CSMD1: variants seen among roughly 807,000 people sequenced by gnomAD.
The protein encoded by CSMD1 is CUB and Sushi multiple domains 1, also known as CUB and sushi domain-containing protein 1.
A neutral mutation model predicts 417.5 loss-of-function variants in CSMD1; 213 were observed. That is an observed-to-expected ratio of 0.51 (90% CI 0.46 to 0.57). The LOEUF is 0.57. Among genes scored for constraint, CSMD1 ranks in the 20% least tolerant of loss-of-function variants. CSMD1 has a pLI of 0.00. For synonymous variants in CSMD1, 2,862 were observed against 1,736.8 expected (o/e 1.65, Z -16.11); for missense variants, 6,923 against 4,529.7 (o/e 1.53, Z -15.17).
At chr8:3,220,819 A>G (rs375374570) in intron 28 of CSMD1, among the ~76,000 whole-genome samples, 36 of 152,182 alleles carry the variant, frequency 2.4e-4, no homozygotes, top group Non-Finnish European at 3.8e-4. Context: ...TGACAGACAG[A>G]GCAAAACTCA....
At chr8:3,234,062 G>T (rs1442407) in intron 26 of CSMD1, among the ~76,000 whole-genome samples, 23,360 of 152,028 alleles carry the variant, frequency 0.15, 1,996 homozygotes, top group East Asian at 0.24. Flanking sequence ...GGTCTCCTAT[G>T]ATATTTTCAA....
intron 6 of CSMD1, among the ~76,000 whole-genome samples, chr8:3,719,284 G>C (rs117179691): frequency 1.3e-5 from 2 of 152,048 alleles, no homozygotes; most frequent in East Asian, 1.9e-4. Context: ...TCAGCAAAAA[G>C]GCCACTGCCC....
chr8:4,976,091 C>G (rs1441909605), intron 1 of CSMD1, among the ~76,000 whole-genome samples: 1 of 152,062 alleles, frequency 6.6e-6, no homozygotes, highest in African/African-American at 2.4e-5. Context: ...ATGTTCTCAC[C>G]TATTACTGGG....
intron 2 of CSMD1, among the ~76,000 whole-genome samples, chr8:4,523,329 A>G (rs1205109654): frequency 6.6e-6 from 1 of 151,870 alleles, no homozygotes; most frequent in Non-Finnish European, 1.5e-5. Context: ...TACATAATAG[A>G]CTCAGCCTGG....
chr8:4,671,808 G>A (rs1805348590), intron 1 of CSMD1, among the ~76,000 whole-genome samples: 1 of 152,092 alleles, frequency 6.6e-6, no homozygotes, highest in Non-Finnish European at 1.5e-5. Flanking sequence ...TCAGCCTGAA[G>A]GAGCCAGCGA....
At chr8:3,240,707 G>A (rs536660297) in intron 26 of CSMD1, among the ~76,000 whole-genome samples, 3 of 152,080 alleles carry the variant, frequency 2.0e-5, no homozygotes, top group Non-Finnish European at 4.4e-5. Flanking sequence ...TTGAGATCTA[G>A]AACAGAATAA....
intron 25 of CSMD1, among the ~76,000 whole-genome samples, chr8:3,294,414 T>C (rs977852434): frequency 6.6e-6 from 1 of 152,218 alleles, no homozygotes; most frequent in Middle Eastern, 3.2e-3. Flanking sequence ...GTGCCCTGCC[T>C]GCAGAGGTGG....
chr8:3,920,210 T>G (rs1183479759), intron 5 of CSMD1, among the ~76,000 whole-genome samples: 3 of 152,008 alleles, frequency 2.0e-5, no homozygotes, highest in Non-Finnish European at 4.4e-5. Flanking sequence ...ACTTTTCATA[T>G]TTTTAGTAAA....
chr8:3,099,310 A>G (rs1815564658), intron 46 of CSMD1, among the ~76,000 whole-genome samples: 1 of 152,108 alleles, frequency 6.6e-6, no homozygotes, highest in South Asian at 2.1e-4. Flanking sequence ...ACAAGATAAT[A>G]TATGGCAAAG....
chr8:3,142,592 G>A lies in CSMD1; in HGVS notation c.6114C>T (p.Ser2038=), dbSNP rs762125103. The change falls in exon 41 of 70, where the codon AGC becomes AGT. Residue 2038 remains serine (S), a synonymous_variant. Transcript: ENST00000635120. ...TGCCGCTAAATTGTCCAATCATGGG[G>A]CTGGTGTGGTAAGGTCCATTTTGAA... ...LEIQNGPYHT[S]PMIGQFSGTD... The A allele has an allele frequency of 5.0e-6, 8 of 1,613,940 alleles. No individual in the cohort carries two copies. Among genetic ancestry groups the A allele is most frequent in the Non-Finnish European group, 6.8e-6 (8 of 1,179,846 alleles).
At chr8:4,869,515 C>G (rs1350322347) in intron 1 of CSMD1, among the ~76,000 whole-genome samples, 1 of 151,910 alleles carries the variant, frequency 6.6e-6, no homozygotes, top group African/African-American at 2.4e-5. Flanking sequence ...TAGTTGATAT[C>G]TAGGATAGTG....
At chr8:3,096,793 A>T (rs1815336987) in intron 47 of CSMD1, 56 bp downstream of exon 47, 3 of 1,077,000 alleles carry the variant, frequency 2.8e-6, no homozygotes, top group Non-Finnish European at 2.7e-6. Context: ...ACATTGTAAT[A>T]GTGTTTTTAT....
intron 2 of CSMD1, among the ~76,000 whole-genome samples, chr8:4,595,306 G>A (rs1389581527): frequency 7.0e-6 from 1 of 143,188 alleles, no homozygotes; most frequent in Non-Finnish European, 1.6e-5. Flanking sequence ...GTAGATAAAG[G>A]GTGATTTCTA....
chr8:3,332,970 C>A (rs1400775738), intron 23 of CSMD1, among the ~76,000 whole-genome samples: 2 of 152,190 alleles, frequency 1.3e-5, no homozygotes, highest in African/African-American at 4.8e-5. Flanking sequence ...TGACTCAATC[C>A]AGGGAAAGCC....
chr8:4,482,970 G>A (rs536416760), intron 2 of CSMD1, among the ~76,000 whole-genome samples: 8 of 152,116 alleles, frequency 5.3e-5, no homozygotes, highest in African/African-American at 1.9e-4. Flanking sequence ...AATGAAAATA[G>A]AGTAATGGAG....
intron 1 of CSMD1, chr8:4,788,471 G>C (rs552468142): frequency 6.9e-6 from 9 of 1,313,502 alleles, no homozygotes; most frequent in East Asian, 2.3e-5. Flanking sequence ...TCAATTTACT[G>C]CTCAGATATT....
intron 1 of CSMD1, among the ~76,000 whole-genome samples, chr8:4,838,497 G>A (rs534310291): frequency 7.8e-4 from 119 of 152,354 alleles, no homozygotes; most frequent in African/African-American, 2.7e-3. Flanking sequence ...ATGTGATTCT[G>A]TCTCATAACT....
chr8:3,305,010 T>C (rs1041452262), intron 25 of CSMD1, among the ~76,000 whole-genome samples: 1 of 152,188 alleles, frequency 6.6e-6, no homozygotes, highest in African/African-American at 2.4e-5. Context: ...AAATCTAGCA[T>C]TTGTGAATTC....
intron 1 of CSMD1, among the ~76,000 whole-genome samples, chr8:4,975,064 TC>T (rs1361620978): frequency 1.3e-5 from 2 of 152,070 alleles, no homozygotes; most frequent in Admixed American, 6.6e-5. Flanking sequence ...AAGAGGCTTC[TC>T]CCCAAAATCT....
Sources: allele counts gnomAD v4.1 joint callset (sites outside exome capture counted in the v4.1 genomes callset), GRCh38; gene constraint gnomAD v4.1.1; transcripts MANE v1.5; gene names NCBI Gene and HGNC (gene_info 2026-07-23, HGNC 2026-07-21).